Variants in SPECC1 observed in about 807,000 individuals in gnomAD.
The protein encoded by SPECC1 is cytospin-B.
Under a neutral mutation model 104.1 loss-of-function variants are expected in SPECC1, and 62 were observed. The ratio of observed to expected loss-of-function variants is 0.60; its 90% CI spans 0.49 to 0.74. SPECC1 has a LOEUF of 0.74. Ranked by LOEUF, SPECC1 falls within the 30% of genes least tolerant of loss-of-function variation. SPECC1 has a pLI of 0.00. For missense variants in SPECC1, 1,306 were observed against 1,310.5 expected (o/e 1.00, Z 0.05); for synonymous variants, 513 against 501.6 (o/e 1.02, Z -0.30).
At chr17:20,224,041 C>T (rs548857894) in intron 4 of SPECC1, among the ~76,000 whole-genome samples, 7 of 152,328 alleles carry the variant, frequency 4.6e-5, no homozygotes, top group Non-Finnish European at 1.0e-4. Context: ...GTCACTGCAG[C>T]TGTGTCCGCA....
In SPECC1 at chr17:20,227,552, T is replaced by G. The variant is rs561198458; in HGVS notation, c.2003T>G (p.Leu668Trp). ...IKDMKETIFE[L>W]EDQVEQHRAV... ...GACATGAAAGAAACCATATTTGAAT[T>G]GGAAGATCAGGTGGAACAGCACCGG... Residue 668 changes from leucine to tryptophan, a missense_variant, in exon 5 of 15, where the codon TTG becomes TGG. Coordinates refer to ENST00000395527, the MANE Select transcript of SPECC1 (RefSeq NM_001243439.2). 1 of 1,612,496 alleles carries G rather than the reference T, an allele frequency of 6.2e-7. No homozygotes were observed. Among genetic ancestry groups the G allele is most frequent in the African/African-American group, 1.3e-5 (1 of 74,832 alleles).
chr17:20,120,036 T>C (rs1189073838), intron 3 of SPECC1, among the ~76,000 whole-genome samples: 1 of 152,216 alleles, frequency 6.6e-6, no homozygotes, highest in Non-Finnish European at 1.5e-5. Flanking sequence ...AGAACACTTA[T>C]GGTCCTGAGC....
chr17:20,111,492 T>TA (rs1249507081), intron 3 of SPECC1, among the ~76,000 whole-genome samples: 2 of 152,222 alleles, frequency 1.3e-5, no homozygotes, highest in African/African-American at 4.8e-5. Flanking sequence ...GTATTAAACA[T>TA]ACACACACAC....
intron 12 of SPECC1, among the ~76,000 whole-genome samples, chr17:20,295,998 T>C (rs774076579): frequency 8.5e-5 from 13 of 152,256 alleles, no homozygotes; most frequent in Non-Finnish European, 1.8e-4. Context: ...GCAGTTTCTT[T>C]TGCTGTGCAG....
intron 12 of SPECC1, among the ~76,000 whole-genome samples, chr17:20,277,118 A>G (rs1488953680): frequency 6.6e-6 from 1 of 152,240 alleles, no homozygotes; most frequent in Non-Finnish European, 1.5e-5. Flanking sequence ...AGAGAGGGAC[A>G]GATGTGGCCC....
At chr17:20,127,437 CTTT>C (rs369424296) in intron 3 of SPECC1, among the ~76,000 whole-genome samples, 3 of 104,482 alleles carry the variant, frequency 2.9e-5, no homozygotes, top group Non-Finnish European at 3.8e-5. Context: ...ATCAGGTCAT[CTTT>C]TTTTTTTTTT....
chr17:20,015,864 G>A (rs1404397499), intron 1 of SPECC1, among the ~76,000 whole-genome samples: 4 of 149,408 alleles, frequency 2.7e-5, no homozygotes, highest in Admixed American at 1.3e-4. Flanking sequence ...GGTTACAGGC[G>A]TGAGCCACCA....
At chr17:20,047,844 G>A (rs1040079987) in intron 1 of SPECC1, among the ~76,000 whole-genome samples, 10 of 152,030 alleles carry the variant, frequency 6.6e-5, no homozygotes, top group Non-Finnish European at 8.8e-5. Context: ...TGGTCCCCCC[G>A]CCTCAGCCTC....
chr17:20,280,913 G>A (rs905118194), intron 12 of SPECC1, among the ~76,000 whole-genome samples: 4 of 152,298 alleles, frequency 2.6e-5, no homozygotes, highest in Admixed American at 6.5e-5. Flanking sequence ...ATTTAATCTA[G>A]CCACTTCATT....
At chr17:20,218,789 G>T (rs2037673368) in intron 4 of SPECC1, among the ~76,000 whole-genome samples, 1 of 151,996 alleles carries the variant, frequency 6.6e-6, no homozygotes, top group Non-Finnish European at 1.5e-5. Context: ...AACCATCCCT[G>T]TTTCCACCCC....
intron 4 of SPECC1, among the ~76,000 whole-genome samples, chr17:20,222,015 A>AT (rs2037906965): frequency 2.5e-5 from 3 of 121,726 alleles, no homozygotes; most frequent in Non-Finnish European, 5.1e-5. Context: ...ATATGATTTC[A>AT]GTTTTTTTTT....
At chr17:20,160,460 A>G (rs879901057) in intron 3 of SPECC1, among the ~76,000 whole-genome samples, 27 of 152,150 alleles carry the variant, frequency 1.8e-4, no homozygotes, top group Non-Finnish European at 1.0e-4. Flanking sequence ...CTGACATGCC[A>G]GGGGACTGCA....
At chr17:20,296,379 C>T (rs1025004959) in intron 12 of SPECC1, among the ~76,000 whole-genome samples, 62 of 152,256 alleles carry the variant, frequency 4.1e-4, no homozygotes, top group African/African-American at 1.3e-3. Flanking sequence ...CATTGGTCTA[C>T]ATCTCTGTTT....
At chr17:20,158,539 G>T (rs2032820508) in intron 3 of SPECC1, among the ~76,000 whole-genome samples, 1 of 152,190 alleles carries the variant, frequency 6.6e-6, no homozygotes, top group African/African-American at 2.4e-5. Flanking sequence ...CACTTGATGG[G>T]GGAGCTCCCT....
chr17:20,009,692 G>A lies in SPECC1; in HGVS notation c.-22+268G>A, dbSNP rs548500028. 1.2e-4 allele frequency among the ~76,000 whole-genome samples: 19 copies of A among 152,240 alleles called. 1 individual carries two copies. Among genetic ancestry groups the A allele is most frequent in the Admixed American group, 8.5e-4 (13 of 15,306 alleles). On this transcript the variant is annotated intron_variant, in intron 1 of 14. Coordinates refer to ENST00000395527, the MANE Select transcript of SPECC1 (RefSeq NM_001243439.2). This position sits in a 1 kb window ranked among gnomAD's most constrained non-coding sequence, Gnocchi z 5.2. Reference sequence around the variant, plus strand: ...CCGGTGCCGCAGGTGGCAGCGGCAGGTGGCCGCCTCCTCCCCTCCGGGCCC... The same window carrying A: ...CCGGTGCCGCAGGTGGCAGCGGCAGATGGCCGCCTCCTCCCCTCCGGGCCC...
At chr17:20,054,741 C>T (rs1286195592) in intron 1 of SPECC1, among the ~76,000 whole-genome samples, 1 of 151,976 alleles carries the variant, frequency 6.6e-6, no homozygotes, top group African/African-American at 2.4e-5. Context: ...AATCATGGCT[C>T]ACTGCAGCCT....
At chr17:20,197,174 C>T (rs1196453346) in intron 3 of SPECC1, among the ~76,000 whole-genome samples, 2 of 152,190 alleles carry the variant, frequency 1.3e-5, no homozygotes, top group African/African-American at 4.8e-5. Context: ...GAAAGGGGGT[C>T]CCTGGTGCCT....
chr17:20,158,187 A>G (rs568585051), intron 3 of SPECC1, among the ~76,000 whole-genome samples: 6 of 152,216 alleles, frequency 3.9e-5, no homozygotes, highest in Admixed American at 3.9e-4. Context: ...TAGAATCTCA[A>G]CAAGTGCTTC....
chr17:20,102,631 A>G (rs759332453), intron 2 of SPECC1, among the ~76,000 whole-genome samples: 16 of 152,216 alleles, frequency 1.1e-4, no homozygotes, highest in Non-Finnish European at 2.4e-4. Context: ...AGGCAGGCAC[A>G]CTATGCATTT....
Sources: gnomAD v4.1 joint callset for allele counts (sites outside exome capture counted in the v4.1 genomes callset) on GRCh38, gnomAD v4.1.1 for gene constraint, Gnocchi (gnomAD v3.1) non-coding constraint, MANE v1.5 for transcripts, NCBI Gene and HGNC (gene_info 2026-07-23, HGNC 2026-07-21) for gene names.